Variants in PAICS observed in about 807,000 individuals in gnomAD.
PAICS encodes bifunctional phosphoribosylaminoimidazole carboxylase/phosphoribosylaminoimidazole succinocarboxamide synthetase.
Under a neutral mutation model 53.7 loss-of-function variants are expected in PAICS, and 33 were observed. That is an observed-to-expected ratio of 0.61 (90% confidence interval 0.47 to 0.82). The LOEUF is 0.82. Ranked by LOEUF, PAICS falls within the 40% of genes least tolerant of loss-of-function variation. PAICS has a pLI of 0.00. For synonymous variants in PAICS, 141 were observed against 167.2 expected (o/e 0.84, Z 1.21); for missense variants, 394 against 494.1 (o/e 0.80, Z 1.92).
At position 56,448,493 on chromosome 4, in the gene PAICS, A is replaced by T; in HGVS notation, c.469A>T (p.Ile157Leu). ...AAAATTTTGCTTTGCTGGACTTCTTATAGGCCAGACTGAAGTGGATATCAT... is the reference window on the plus strand; with the variant it reads ...AAAATTTTGCTTTGCTGGACTTCTTTTAGGCCAGACTGAAGTGGATATCAT... ...AAKFCFAGLL[I>L]GQTEVDIMSH... is the part of the protein sequence containing the mutation. The change falls in exon 4 of 9, where the codon ATA (isoleucine) becomes TTA (leucine). Residue 157 changes from isoleucine to leucine, a missense_variant. Around this residue, in one of 3 missense-constraint regions of PAICS, gnomAD observed 168 missense variants for 199.3 expected, o/e 0.84. Coordinates refer to ENST00000512576, the MANE Select transcript of PAICS (RefSeq NM_001079524.2). 6.2e-7 allele frequency: 1 copy of T among 1,612,858 alleles called. No individual in the cohort carries two copies. Among genetic ancestry groups the T allele is most frequent in the Non-Finnish European group, 8.5e-7 (1 of 1,179,070 alleles).
intron 1 of PAICS, 128 bp from the exon 2 acceptor site, chr4:56,441,535 C>T (rs1199596808): frequency 2.2e-6 from 1 of 454,988 alleles, no homozygotes; most frequent in African/African-American, 2.0e-5. Context: ...TGGTTTTATA[C>T]AGATGATTTA....
Position 56,464,535 on chromosome 4 carries a change from TATTACCC to T in PAICS, c.*5000_*5006del, listed in dbSNP as rs1719617994. 6.6e-6 allele frequency: 1 copy of T among 152,226 alleles called. No individual in the cohort carries two copies. The highest frequency in any genetic ancestry group is 6.5e-5 in the Admixed American group (1 of 15,280). 9.4% of individuals were successfully genotyped at this position (152,226 alleles called of 1,614,324 possible). A position where few individuals can be genotyped will look rare whatever the true frequency, so the allele number is the denominator to read the frequency against. ...CCACCAAACATAGTACATGTTTATT[TATTACCC>T]ATCTCTCCCAACTAGAAAATAAATG... On this transcript the variant is annotated 3_prime_UTR_variant, in exon 9 of 9. Coordinates refer to ENST00000512576, the MANE Select transcript of PAICS (RefSeq NM_001079524.2).
At chr4:56,450,298 C>A (rs1490441430) in intron 5 of PAICS, among the ~76,000 whole-genome samples, 1 of 152,112 alleles carries the variant, frequency 6.6e-6, no homozygotes, top group Non-Finnish European at 1.5e-5. Flanking sequence ...TGTAACAAAC[C>A]TGCACATTCT....
At chr4:56,424,093 G>A in the PAICS span, among the ~76,000 whole-genome samples, 2 of 152,232 alleles carry the variant, frequency 1.3e-5, no homozygotes, top group Admixed American at 1.3e-4. Flanking sequence ...ATGAATTTTT[G>A]AAATTGGAGT....
upstream of PAICS, chr4:56,435,523 T>C (rs1274543238): frequency 1.9e-6 from 3 of 1,611,902 alleles, no homozygotes; most frequent in South Asian, 2.2e-5. Context: ...GCGGCCAAGG[T>C]GTAAGCACCA....
At chr4:56,440,335 G>A (rs1239579423) in intron 1 of PAICS, among the ~76,000 whole-genome samples, 3 of 152,184 alleles carry the variant, frequency 2.0e-5, no homozygotes, top group South Asian at 4.1e-4. Context: ...ACATTAGGGA[G>A]GGTAGAGATT....
At chr4:56,441,520 G>C (rs1161020773) in intron 1 of PAICS, 143 bp from the exon 2 acceptor site, 1 of 423,560 alleles carries the variant, frequency 2.4e-6, no homozygotes, top group East Asian at 3.5e-5. Context: ...ACATTGTAGA[G>C]TATATGGTTT....
At chr4:56,415,891 G>C in the PAICS span, among the ~76,000 whole-genome samples, 1 of 152,106 alleles carries the variant, frequency 6.6e-6, no homozygotes, top group African/African-American at 2.4e-5. Context: ...CCAACATGGT[G>C]AAACCTCGTG....
In PAICS at chr4:56,459,895, T is replaced by G; in HGVS notation, c.*357T>G. On this transcript the variant is annotated 3_prime_UTR_variant, in exon 9 of 9. Coordinates refer to ENST00000512576, the MANE Select transcript of PAICS (RefSeq NM_001079524.2). ...CAGCTATATTTCTCCAGACTTGCAT[T>G]TTTTTTTTTTTTTTTGAGACAGGGT... is the stretch of plus-strand genomic sequence containing the variant. 6.6e-6 allele frequency: 1 copy of G among 150,912 alleles called. No homozygotes were observed. Among genetic ancestry groups the G allele is most frequent in the Non-Finnish European group, 1.5e-5 (1 of 68,228 alleles). 9.3% of individuals were successfully genotyped at this position (150,912 alleles called of 1,614,324 possible).
chr4:56,429,266 T>C, the PAICS span, among the ~76,000 whole-genome samples: 5 of 152,170 alleles, frequency 3.3e-5, no homozygotes, highest in Non-Finnish European at 5.9e-5. Flanking sequence ...AATGAAAACT[T>C]GCCCGGAGTT....
the PAICS span, chr4:56,423,518 G>A: frequency 6.6e-6 from 1 of 151,966 alleles, no homozygotes; most frequent in Admixed American, 6.6e-5. Context: ...GTTTAATAAG[G>A]AAAAAAGATT....
At chr4:56,453,848 A>C in intron 8 of PAICS, 87 bp downstream of exon 8, 162 of 883,288 alleles carry the variant, frequency 1.8e-4, no homozygotes, top group Middle Eastern at 3.3e-4. Flanking sequence ...ATAAAATCTC[A>C]TGTACCCATG....
At chr4:56,435,310 T>G (rs747126936), upstream of PAICS, 4 of 1,609,942 alleles carry the variant, frequency 2.5e-6, no homozygotes, top group Non-Finnish European at 3.4e-6. Context: ...CTCCGAGAGA[T>G]GGAGACGCAC....
chr4:56,444,346 T>A (rs929492737), intron 2 of PAICS, among the ~76,000 whole-genome samples: 1 of 152,200 alleles, frequency 6.6e-6, no homozygotes, highest in Non-Finnish European at 1.5e-5. Flanking sequence ...AAATCTGGCC[T>A]TCTTAGTGAT....
intron 1 of PAICS, 108 bp downstream of exon 1, chr4:56,436,436 C>T: frequency 1.1e-6 from 1 of 950,588 alleles, no homozygotes. Flanking sequence ...GCAGCAGCGC[C>T]TCTAGGCAGC....
rs746070974 is a variant in PAICS, at chr4:56,450,666, A to G, written c.735A>G (p.Val245=). 34 of 1,544,228 alleles carry G rather than the reference A, an allele frequency of 2.2e-5. No individual in the cohort carries two copies. The South Asian group carries it at 3.8e-4, about 17-fold the overall frequency. The change falls in exon 6 of 9, where the codon GTA becomes GTG. Residue 245 remains valine, a synonymous_variant. Coordinates refer to ENST00000512576, the MANE Select transcript of PAICS (RefSeq NM_001079524.2). ...TAACTCCTGAAGGGCTCCAAATGGT[A>G]AAGAAAAACTTTGAGTGGGTTGCAG... ...KEVTPEGLQM[V]KKNFEWVAER...
At chr4:56,431,489 A>G (rs558702458), upstream of PAICS, 26 of 979,114 alleles carry the variant, frequency 2.7e-5, no homozygotes, top group South Asian at 4.7e-5. Flanking sequence ...TCAAAGCGTA[A>G]TAACAGAACC....
chr4:56,435,169 T>C (rs963556933), upstream of PAICS, among the ~76,000 whole-genome samples: 1 of 152,102 alleles, frequency 6.6e-6, no homozygotes, highest in Non-Finnish European at 1.5e-5. Flanking sequence ...CTAAAGTTCA[T>C]GGAAGCGAGG....
chr4:56,416,794 C>G, the PAICS span, among the ~76,000 whole-genome samples: 1 of 152,142 alleles, frequency 6.6e-6, no homozygotes, highest in Non-Finnish European at 1.5e-5. Context: ...GAGCCACAAC[C>G]AGGTCAAGGA....
Sources: gnomAD v4.1 joint callset for allele counts (sites outside exome capture counted in the v4.1 genomes callset) on GRCh38, gnomAD v4.1.1 for gene constraint, gnomAD v4.1.1 regional missense constraint, MANE v1.5 for transcripts, NCBI Gene and HGNC (gene_info 2026-07-23, HGNC 2026-07-21) for gene names.